The following CPLANE1 variants were observed in gnomAD, a reference collection of about 807,000 sequenced individuals.
CPLANE1 encodes the protein ciliogenesis and planar polarity effector complex subunit 1, also known as ciliogenesis and planar polarity effector 1.
CPLANE1 carries 263 observed loss-of-function variants against 362.5 expected under a neutral mutation model. The observed-to-expected ratio is 0.73, with a 90% CI of 0.66 to 0.80. The LOEUF is 0.80. CPLANE1 is among the 30% of genes least tolerant of loss of function. CPLANE1 has a pLI of 0.00. For missense variants in CPLANE1, 3,461 were observed against 3,793.4 expected (o/e 0.91, Z 2.30); for synonymous variants, 1,212 against 1,302.6 (o/e 0.93, Z 1.50).
At chr5:37,177,911 T>C (rs1265254008) in intron 29 of CPLANE1, among the ~76,000 whole-genome samples, 1 of 152,212 alleles carries the variant, frequency 6.6e-6, no homozygotes, top group Non-Finnish European at 1.5e-5. Context: ...ACTGGGCTAT[T>C]GAGCATGCTA....
At chr5:37,200,533 C>A (rs911260606) in intron 19 of CPLANE1, among the ~76,000 whole-genome samples, 1 of 151,806 alleles carries the variant, frequency 6.6e-6, no homozygotes, top group African/African-American at 2.4e-5. Flanking sequence ...CCAAATAGGA[C>A]AAATGAGAAA....
intron 51 of CPLANE1, 113 bp downstream of exon 51, chr5:37,114,847 C>A (rs113542492): frequency 1.6e-6 from 1 of 620,586 alleles, no homozygotes; most frequent in South Asian, 2.1e-5. Flanking sequence ...TACAGTGAGC[C>A]GACATTGCAC....
Position 37,227,622 on chromosome 5 carries a change from T to C in CPLANE1, c.1317A>G (p.Leu439=), listed in dbSNP as rs1055664511. 2 of 1,551,324 alleles carry C rather than the reference T, an allele frequency of 1.3e-6. No homozygotes were observed. The highest frequency in any genetic ancestry group is 1.4e-5 in the African/African-American group (1 of 73,026). The part of the protein sequence containing the change: ...LSPSVHMRSL[L]LDSTQRLEKI... ...TCTCAAGCCTCTGGGTTGAATCAAG[T>C]AGAAGTGATCTCATGTGTACTGATG... Residue 439 remains leucine (L), a synonymous_variant, in exon 10 of 53, where the codon CTA becomes CTG. Coordinates refer to ENST00000651892, the MANE Select transcript of CPLANE1 (RefSeq NM_001384732.1).
At position 37,195,864 on chromosome 5, in the gene CPLANE1, C is replaced by T; in HGVS notation, c.3805G>A (p.Ala1269Thr). ...DHKLDEVSIR[A>T]IGCFRELCAL... The stretch of plus-strand genomic sequence containing the variant: ...CAGTTCATTTTGGACAAACCTATTG[C>T]TCTAATGGAAACTTCATCAAGCTTG... The change falls in exon 21 of 53, where the codon GCA becomes ACA. Residue 1269 changes from alanine (A) to threonine (T), a missense_variant. Physicochemically the swap from Ala to Thr is moderately conservative, Grantham distance 58. This residue lies in a region of CPLANE1 where 3,380 missense variants were observed against 3,666.1 expected (regional missense o/e 0.92). Coordinates refer to ENST00000651892, the MANE Select transcript of CPLANE1 (RefSeq NM_001384732.1). 6.2e-7 allele frequency: 1 copy of T among 1,609,114 alleles called. No homozygotes were observed. Among genetic ancestry groups the T allele is most frequent in the South Asian group, 1.1e-5 (1 of 89,908 alleles).
intron 25 of CPLANE1, among the ~76,000 whole-genome samples, chr5:37,183,923 GA>G (rs1783308911): frequency 1.3e-5 from 2 of 152,048 alleles, no homozygotes; most frequent in Admixed American, 1.3e-4. Flanking sequence ...TATCAAAAGG[GA>G]AAATTTGTAT....
chr5:37,193,525 G>A (rs1426797001), intron 21 of CPLANE1, among the ~76,000 whole-genome samples: 1 of 151,856 alleles, frequency 6.6e-6, no homozygotes, highest in Non-Finnish European at 1.5e-5. Flanking sequence ...CGCAGCAGCG[G>A]GTGCCTATAG....
At chr5:37,245,628 C>CA in intron 3 of CPLANE1, 30 bp from the exon 4 acceptor site, 1 of 1,499,458 alleles carries the variant, frequency 6.7e-7, no homozygotes, top group Middle Eastern at 1.7e-4. Flanking sequence ...GCAATACTTA[C>CA]AATCTAGTAT....
intron 20 of CPLANE1, among the ~76,000 whole-genome samples, chr5:37,196,672 T>C (rs1254093174): frequency 6.6e-6 from 1 of 152,154 alleles, no homozygotes; most frequent in Non-Finnish European, 1.5e-5. Context: ...ACACCTGTAA[T>C]CCCAGCACTT....
chr5:37,231,066 A>AC lies in CPLANE1; in HGVS notation c.939-18dup. On this transcript the variant is annotated splice_polypyrimidine_tract_variant and intron_variant, in intron 8 of 52. Coordinates refer to ENST00000651892, the MANE Select transcript of CPLANE1 (RefSeq NM_001384732.1). ...CAGTAGGACCTATAATAAATAAGAG[A>AC]CAACATGTTTAGAAGAGATACTTTA... 4 of 1,492,552 alleles carry AC rather than the reference A, an allele frequency of 2.7e-6. No homozygotes were observed. In the South Asian group the frequency reaches 5.4e-5, roughly 20 times the overall value. 92.5% of individuals were successfully genotyped at this position (1,492,552 alleles called of 1,614,324 possible). A position where few individuals can be genotyped will look rare whatever the true frequency, so the allele number is the denominator to read the frequency against.
chr5:37,079,301 A>AAAT, the CPLANE1 span, among the ~76,000 whole-genome samples: 2 of 152,178 alleles, frequency 1.3e-5, no homozygotes, highest in Non-Finnish European at 2.9e-5. Flanking sequence ...ACCATTGATT[A>AAAT]AATAGGGAGT....
chr5:37,121,871 G>C, intron 48 of CPLANE1, 87 bp from the exon 49 acceptor site: 1 of 1,099,838 alleles, frequency 9.1e-7, no homozygotes, highest in Non-Finnish European at 1.3e-6. Flanking sequence ...AGATCACCTA[G>C]CATGTTCTGG....
At position 37,206,240 on chromosome 5, in the gene CPLANE1, C is replaced by T; in HGVS notation, c.3106G>A (p.Val1036Met). The T allele has an allele frequency of 4.5e-6, 7 of 1,551,874 alleles. No individual in the cohort carries two copies. The highest frequency in any genetic ancestry group is 6.1e-6 in the Non-Finnish European group (7 of 1,147,028). ...GDWKTSVSIG[V>M]AFQLFCKRDS... Reference sequence around the variant, plus strand: ...CGTTTACAGAACAGCTGGAAAGCCACACCAATTGAAACAGACGTCTTCCAG... The same window carrying T: ...CGTTTACAGAACAGCTGGAAAGCCATACCAATTGAAACAGACGTCTTCCAG... The change falls in exon 17 of 53, where the codon GTG becomes ATG. Residue 1036 changes from valine to methionine, a missense_variant. Val to Met is a conservative substitution (Grantham distance 21, BLOSUM62 1). Around this residue, in one of 2 missense-constraint regions of CPLANE1, gnomAD observed 3,380 missense variants for 3,666.1 expected, o/e 0.92. Coordinates refer to ENST00000651892, the MANE Select transcript of CPLANE1 (RefSeq NM_001384732.1).
chr5:37,167,354 T>A, intron 34 of CPLANE1, 141 bp from the exon 35 acceptor site: 2 of 687,456 alleles, frequency 2.9e-6, no homozygotes, highest in Non-Finnish European at 4.7e-6. Context: ...CAAATTGATT[T>A]AAACTGGCAA....
At chr5:37,216,941 C>A (rs566243803) in intron 15 of CPLANE1, among the ~76,000 whole-genome samples, 48 of 152,162 alleles carry the variant, frequency 3.2e-4, no homozygotes, top group African/African-American at 1.1e-3. Flanking sequence ...ATATAGTAGG[C>A]CCTCAAAGGA....
chr5:37,082,088 C>T, the CPLANE1 span, among the ~76,000 whole-genome samples: 1 of 143,436 alleles, frequency 7.0e-6, no homozygotes, highest in African/African-American at 2.7e-5. Context: ...AGTGAAACTC[C>T]GTATCAAAAA....
At chr5:37,207,882 A>AT (rs1188091119) in intron 16 of CPLANE1, among the ~76,000 whole-genome samples, 1 of 151,896 alleles carries the variant, frequency 6.6e-6, no homozygotes, top group Non-Finnish European at 1.5e-5. Context: ...AATGCAACTC[A>AT]TATCACTCTC....
the CPLANE1 span, among the ~76,000 whole-genome samples, chr5:37,082,426 C>A: frequency 6.6e-6 from 1 of 152,114 alleles, no homozygotes; most frequent in Non-Finnish European, 1.5e-5. Context: ...TACCCGATCC[C>A]AAGATCCATT....
chr5:37,158,078 C>T (rs1775690358), intron 39 of CPLANE1, 146 bp downstream of exon 39: 2 of 977,230 alleles, frequency 2.0e-6, no homozygotes, highest in East Asian at 2.6e-5. Flanking sequence ...TGGCATAATG[C>T]TTAAATTAAT....
rs1779140302 is a variant in CPLANE1, at chr5:37,169,439, A to T, written c.6585T>A (p.Thr2195=). The change falls in exon 34 of 53, where the codon ACT becomes ACA. Residue 2195 remains threonine, a synonymous_variant. Coordinates refer to ENST00000651892, the MANE Select transcript of CPLANE1 (RefSeq NM_001384732.1). ...AAGGTGTGGACAAAAGGTAGAGGTG[A>T]GTATTTCCAGCAGGAGCTGGATAAA... ...TSFYPAPAGN[T]HLYLLSTPSV... is the part of the protein sequence containing the mutation. 1.9e-6 allele frequency: 3 copies of T among 1,614,054 alleles called. No homozygotes were observed. The highest frequency in any genetic ancestry group is 2.5e-6 in the Non-Finnish European group (3 of 1,180,036).
Sources: gnomAD v4.1 joint callset for allele counts (sites outside exome capture counted in the v4.1 genomes callset) on GRCh38, gnomAD v4.1.1 for gene constraint, gnomAD v4.1.1 regional missense constraint, MANE v1.5 for transcripts, NCBI Gene and HGNC (gene_info 2026-07-23, HGNC 2026-07-21) for gene names.